TACC2: variants seen among roughly 807,000 people sequenced by gnomAD.
TACC2 encodes the protein transforming acidic coiled-coil-containing protein 2.
Under a neutral mutation model 227.3 loss-of-function variants are expected in TACC2, and 137 were observed. That is an observed-to-expected ratio of 0.60 (90% CI 0.52 to 0.69). The LOEUF (loss-of-function observed/expected upper bound fraction) is 0.69, where lower values mean the gene tolerates loss of function less well. TACC2 is among the 30% of genes least tolerant of loss of function. TACC2 has a pLI of 0.00. For missense variants in TACC2, 3,470 were observed against 3,694.4 expected, an observed-to-expected ratio of 0.94 and a Z score of 1.57; for synonymous variants, 1,523 against 1,487.5, an observed-to-expected ratio of 1.02 and a Z score of -0.55.
chr10:122,190,166 G>A (rs145441325), intron 7 of TACC2, among the ~76,000 whole-genome samples: 70 of 152,342 alleles, frequency 4.6e-4, no homozygotes, highest in Non-Finnish European at 8.5e-4. Context: ...TTATGTATGT[G>A]TGTGGATGCT....
At chr10:122,226,135 G>A (rs559799238) in intron 12 of TACC2, among the ~76,000 whole-genome samples, 26 of 152,278 alleles carry the variant, frequency 1.7e-4, no homozygotes, top group African/African-American at 5.5e-4. Flanking sequence ...CCCTGGCCAC[G>A]TTCCTACTTG....
At chr10:122,174,150 A>G (rs911853928) in intron 7 of TACC2, among the ~76,000 whole-genome samples, 7 of 152,154 alleles carry the variant, frequency 4.6e-5, no homozygotes, top group Non-Finnish European at 2.9e-5. Context: ...ACTGGGTGCA[A>G]CTATCAGTCC....
chr10:122,253,966 A>C (rs745665222), intron 22 of TACC2, 25 bp from the exon 23 acceptor site: 1 of 1,610,244 alleles, frequency 6.2e-7, no homozygotes, highest in Non-Finnish European at 8.5e-7. Context: ...AACATCAGCA[A>C]CTTCTTCCTT....
intron 7 of TACC2, among the ~76,000 whole-genome samples, chr10:122,148,502 GTGCCTTCTGGGTGTTATGCGCAGGCAGC>G (rs2091671521): frequency 6.6e-6 from 1 of 152,200 alleles, no homozygotes; most frequent in Non-Finnish European, 1.5e-5. Context: ...TGGAGCCAGC[GTGCCTTCTGGGTGTTATGCGCAGGCAGC>G]TGCAGTGCCC....
chr10:122,230,272 T>G (rs1472684070), intron 15 of TACC2, 79 bp from the exon 16 acceptor site: 6 of 1,263,706 alleles, frequency 4.7e-6, no homozygotes, highest in African/African-American at 4.4e-5. Flanking sequence ...TCGTGGCACG[T>G]TCATTTCTCG....
chr10:122,243,353 C>T (rs185098337), intron 19 of TACC2, among the ~76,000 whole-genome samples: 175 of 152,254 alleles, frequency 1.1e-3, no homozygotes, highest in Non-Finnish European at 2.0e-3. Flanking sequence ...CTGGTCCCCA[C>T]CCCCAAGCAT....
At chr10:122,192,649 T>A (rs889612495) in intron 7 of TACC2, 1 of 455,324 alleles carries the variant, frequency 2.2e-6, no homozygotes, top group African/African-American at 2.0e-5. Flanking sequence ...GGGTGGGAAT[T>A]TGGGGGACAG....
At chr10:122,253,506 A>T (rs991987268) in intron 22 of TACC2, among the ~76,000 whole-genome samples, 5 of 151,874 alleles carry the variant, frequency 3.3e-5, no homozygotes, top group Non-Finnish European at 7.4e-5. Context: ...TAGCCACAGC[A>T]TCACCTATTT....
Position 122,248,683 on chromosome 10 carries a change from G to A in TACC2, c.8433G>A (p.Val2811=). 3 of 1,613,918 alleles carry A rather than the reference G, an allele frequency of 1.9e-6. No individual in the cohort carries two copies. Among genetic ancestry groups the A allele is most frequent in the Non-Finnish European group, 2.5e-6 (3 of 1,180,040 alleles). Residue 2811 remains valine, a synonymous_variant, in exon 20 of 23, where the codon GTG becomes GTA. Transcript: ENST00000369005. ...AGAAGTCAGTCTCCCACCAGACGGT[G>A]CAGCAGCTGGTTCTGGAGAAGGAGC... ...QREKSVSHQT[V]QQLVLEKEQA...
In TACC2 at chr10:122,101,021, G is replaced by A. The variant is rs2082079192; in HGVS notation, c.5573+12430G>A. Reference sequence around the variant, plus strand: ...CCAGGAGTACCCCTACCTCCCACCAGAGTAGCGAGGTTCCTTTCTGTAGCC... The same window carrying A: ...CCAGGAGTACCCCTACCTCCCACCAAAGTAGCGAGGTTCCTTTCTGTAGCC... On this transcript the variant is annotated intron_variant, in intron 5 of 22. Transcript: ENST00000369005. 2.6e-5 allele frequency among the ~76,000 whole-genome samples: 4 copies of A among 152,284 alleles called. No homozygotes were observed. The South Asian group carries it at 8.3e-4, about 32-fold the overall frequency.
At chr10:122,043,970 A>C (rs1008417516) in intron 2 of TACC2, among the ~76,000 whole-genome samples, 3 of 152,202 alleles carry the variant, frequency 2.0e-5, no homozygotes, top group Non-Finnish European at 4.4e-5. Flanking sequence ...GGCTTCTCCT[A>C]AAGTTAACAT....
intron 6 of TACC2, among the ~76,000 whole-genome samples, chr10:122,142,362 T>C (rs1402228208): frequency 6.6e-6 from 1 of 152,220 alleles, no homozygotes; most frequent in Non-Finnish European, 1.5e-5. Context: ...GTGGCCCCTG[T>C]CCTCGTGGAG....
In TACC2 at chr10:122,194,659, G is replaced by C. The variant is rs1056498103; in HGVS notation, c.5835-381G>C. Among the ~76,000 whole-genome samples, 1 of 152,200 alleles carries C rather than the reference G, an allele frequency of 6.6e-6. No homozygotes were observed. Among genetic ancestry groups the C allele is most frequent in the Admixed American group, 6.5e-5 (1 of 15,280 alleles). Reference sequence around the variant, plus strand: ...AGGACAGTAGAGAGGATGATGGGGTGGGATCATGTGGGTGAGTTGGCACAA... The same window carrying C: ...AGGACAGTAGAGAGGATGATGGGGTCGGATCATGTGGGTGAGTTGGCACAA... On this transcript the variant is annotated intron_variant, in intron 7 of 22. Coordinates refer to ENST00000369005, the MANE Select transcript of TACC2 (RefSeq NM_206862.4). The surrounding 1 kb of genome is among the most constrained non-coding windows in gnomAD (Gnocchi z 4.4).
rs2091980916 is a variant in TACC2, at chr10:122,150,977, T to G, written c.5834+7271T>G. 6.6e-6 allele frequency among the ~76,000 whole-genome samples: 1 copy of G among 152,206 alleles called. No homozygotes were observed. The highest frequency in any genetic ancestry group is 2.4e-5 in the African/African-American group (1 of 41,452). ...AGCTGTGTGACATGGCATGAGTTAC[T>G]TGACTACTCTGAGCCTTGGTTTACC... On this transcript the variant is annotated intron_variant, in intron 7 of 22. Coordinates refer to ENST00000369005, the MANE Select transcript of TACC2 (RefSeq NM_206862.4). The surrounding 1 kb of genome is among the most constrained non-coding windows in gnomAD (Gnocchi z 4.0).
chr10:122,075,136 T>C (rs1186249410), intron 3 of TACC2, among the ~76,000 whole-genome samples: 1 of 151,650 alleles, frequency 6.6e-6, no homozygotes, highest in Admixed American at 6.6e-5. Flanking sequence ...TCGGGTCCCT[T>C]TCCACGCTGT....
intron 5 of TACC2, among the ~76,000 whole-genome samples, chr10:122,123,215 G>A (rs1013432251): frequency 1.3e-5 from 2 of 152,150 alleles, no homozygotes; most frequent in African/African-American, 4.8e-5. Context: ...ATATTGGCCA[G>A]GCTGGTCTCG....
chr10:122,163,915 C>G (rs1255892427), intron 7 of TACC2: 1 of 1,568,832 alleles, frequency 6.4e-7, no homozygotes, highest in Non-Finnish European at 8.6e-7. Flanking sequence ...CACGCCAGGG[C>G]ACAGCGAGGA....
chr10:122,013,887 G>A (rs901361275), intron 1 of TACC2, among the ~76,000 whole-genome samples: 1 of 152,096 alleles, frequency 6.6e-6, no homozygotes, highest in Non-Finnish European at 1.5e-5. Flanking sequence ...CAACCTCTAG[G>A]CCTCAGCTTC....
intron 1 of TACC2, among the ~76,000 whole-genome samples, chr10:122,013,892 A>ATCTGTAAAAAGAG (rs1174545685): frequency 1.2e-4 from 19 of 152,200 alleles, no homozygotes; most frequent in Non-Finnish European, 2.8e-4. Flanking sequence ...TCTAGGCCTC[A>ATCTGTAAAAAGAG]GCTTCCTCAT....
Sources: allele counts gnomAD v4.1 joint callset (sites outside exome capture counted in the v4.1 genomes callset), GRCh38; gene constraint gnomAD v4.1.1; non-coding constraint Gnocchi (gnomAD v3.1); transcripts MANE v1.5; gene names NCBI Gene and HGNC (gene_info 2026-07-23, HGNC 2026-07-21).